The following EMCN variants were observed in gnomAD, a reference collection of about 807,000 sequenced individuals.
The protein encoded by EMCN is MUC-14.
In EMCN, 37 loss-of-function variants were observed where a neutral mutation model predicts 38.4. That is an observed-to-expected ratio of 0.96 (90% CI 0.74 to 1.27). EMCN has a LOEUF of 1.27. Among genes scored for constraint, EMCN ranks in the 50% most tolerant of loss-of-function variants. The pLI is 0.00. For missense variants in EMCN, 318 were observed against 302.8 expected, an observed-to-expected ratio of 1.05 and a Z score of -0.37; for synonymous variants, 95 against 100.8, an observed-to-expected ratio of 0.94 and a Z score of 0.35.
chr4:100,489,186 C>T (rs1729015970), intron 1 of EMCN, among the ~76,000 whole-genome samples: 1 of 152,066 alleles, frequency 6.6e-6, no homozygotes, highest in Non-Finnish European at 1.5e-5. Context: ...TCTACATTGG[C>T]TATAGGTTTA....
chr4:100,410,998 G>A (rs1726537568), intron 10 of EMCN, among the ~76,000 whole-genome samples: 1 of 152,158 alleles, frequency 6.6e-6, no homozygotes, highest in East Asian at 1.9e-4. Context: ...CCTTCAGGTA[G>A]AATCGAGTAT....
chr4:100,438,540 AT>A (rs762951627), intron 5 of EMCN, among the ~76,000 whole-genome samples: 13 of 150,804 alleles, frequency 8.6e-5, no homozygotes, highest in South Asian at 8.4e-4. Flanking sequence ...GCAAGTGGAG[AT>A]TTTTTTTTCT....
intron 1 of EMCN, among the ~76,000 whole-genome samples, chr4:100,504,216 T>C (rs1165170372): frequency 1.3e-5 from 2 of 152,188 alleles, no homozygotes; most frequent in Non-Finnish European, 2.9e-5. Context: ...TAATATGTGA[T>C]CCTTACAGTT....
intron 1 of EMCN, among the ~76,000 whole-genome samples, chr4:100,496,924 C>T (rs935605911): frequency 2.6e-5 from 4 of 151,912 alleles, no homozygotes; most frequent in African/African-American, 9.7e-5. Flanking sequence ...TTTTGTAATG[C>T]ACCATATGAT....
chr4:100,432,608 C>G (rs1258131278), intron 5 of EMCN, among the ~76,000 whole-genome samples: 1 of 152,118 alleles, frequency 6.6e-6, no homozygotes, highest in African/African-American at 2.4e-5. Flanking sequence ...TGGGGCCTTA[C>G]CAGATATGTT....
At chr4:100,448,816 C>CTTCT (rs1727753366) in intron 4 of EMCN, among the ~76,000 whole-genome samples, 2 of 144,326 alleles carry the variant, frequency 1.4e-5, no homozygotes, top group Admixed American at 6.9e-5. Flanking sequence ...TCCTTCCTTC[C>CTTCT]TTCCTTCCTC....
At chr4:100,403,594 A>T (rs990652188) in intron 11 of EMCN, among the ~76,000 whole-genome samples, 8 of 151,968 alleles carry the variant, frequency 5.3e-5, no homozygotes, top group Non-Finnish European at 1.2e-4. Flanking sequence ...GTATCTAGTA[A>T]TGGGACTGCT....
chr4:100,476,288 T>G (rs2110277008), intron 2 of EMCN, among the ~76,000 whole-genome samples: 1 of 150,990 alleles, frequency 6.6e-6, no homozygotes, highest in East Asian at 2.0e-4. Flanking sequence ...CCCTTTTTCT[T>G]CTCTCCTTCT....
rs1729604213 is a variant in EMCN at position 100,510,640 on chromosome 4, C to A, written c.64+7211G>T. On this transcript the variant is annotated intron_variant, in intron 1 of 11. Transcript: ENST00000296420. The stretch of plus-strand genomic sequence containing the variant: ...CTTCCAATATCCCTATGAGGTAATT[C>A]CTTGTAGAGATATTGCAAGAACCAC... Among the ~76,000 whole-genome samples, 4 of 152,066 alleles carry A rather than the reference C, an allele frequency of 2.6e-5. No individual in the cohort carries two copies. In the South Asian group the frequency reaches 8.3e-4, roughly 31 times the overall value.
At position 100,496,716 on chromosome 4, in the gene EMCN, A is replaced by G. The variant is rs542619706; in HGVS notation, c.65-16677T>C. On this transcript the variant is annotated intron_variant, in intron 1 of 11. Transcript: ENST00000296420. ...GAACTAGTGAGTTTTAGGGCATGGT[A>G]AAAACATGAAAGCACCAAACATGTA... Among the ~76,000 whole-genome samples the G allele has an allele frequency of 3.9e-5, 6 of 152,186 alleles. No individual in the cohort carries two copies. The South Asian group carries it at 1.2e-3, about 32-fold the overall frequency.
chr4:100,501,386 A>T (rs72910817), intron 1 of EMCN, among the ~76,000 whole-genome samples: 1 of 152,088 alleles, frequency 6.6e-6, no homozygotes, highest in Admixed American at 6.5e-5. Flanking sequence ...AGAGCTCTCT[A>T]TTCTTTTCTA....
intron 4 of EMCN, among the ~76,000 whole-genome samples, chr4:100,458,735 C>A (rs1560623791): frequency 6.6e-6 from 1 of 152,104 alleles, no homozygotes; most frequent in Non-Finnish European, 1.5e-5. Context: ...TTCAATTGAC[C>A]TTCACTCAAA....
intron 1 of EMCN, among the ~76,000 whole-genome samples, chr4:100,491,305 A>G (rs1234788932): frequency 6.6e-6 from 1 of 152,084 alleles, no homozygotes; most frequent in East Asian, 1.9e-4. Flanking sequence ...TTTAATTACT[A>G]TTGCTTTGCC....
At chr4:100,420,962 A>T (rs1726870669) in intron 8 of EMCN, among the ~76,000 whole-genome samples, 1 of 151,966 alleles carries the variant, frequency 6.6e-6, no homozygotes, top group African/African-American at 2.4e-5. Context: ...AATGGAGTTA[A>T]TCTTTACCAT....
At position 100,482,744 on chromosome 4, in the gene EMCN, C is replaced by T. The variant is rs149255646; in HGVS notation, c.65-2705G>A. On this transcript the variant is annotated intron_variant, in intron 1 of 11. Coordinates refer to ENST00000296420, the MANE Select transcript of EMCN (RefSeq NM_016242.4). ...GAAAGTGACCAAACAGAAATTCCAC[C>T]CTAGGAAAGACAATGGGAAAATGCA... 3.6e-3 allele frequency among the ~76,000 whole-genome samples: 541 copies of T among 152,086 alleles called. 4 individuals carry two copies. In the Middle Eastern group the frequency reaches 0.037, roughly 11 times the overall value.
chr4:100,513,191 T>C (rs1446892619), intron 1 of EMCN, among the ~76,000 whole-genome samples: 1 of 152,180 alleles, frequency 6.6e-6, no homozygotes, highest in Non-Finnish European at 1.5e-5. Context: ...GTGGGGATTA[T>C]TAAAAATCAG....
At chr4:100,477,073 C>T (rs1432153197) in intron 2 of EMCN, among the ~76,000 whole-genome samples, 1 of 152,080 alleles carries the variant, frequency 6.6e-6, no homozygotes, top group African/African-American at 2.4e-5. Context: ...GATAGGTGGC[C>T]AAAAGCATCA....
intron 1 of EMCN, among the ~76,000 whole-genome samples, chr4:100,511,874 A>T (rs1407908066): frequency 6.6e-6 from 1 of 152,134 alleles, no homozygotes; most frequent in Non-Finnish European, 1.5e-5. Context: ...GGACTAAAAC[A>T]ATGAAACTGG....
chr4:100,464,979 G>T (rs1477647618), intron 4 of EMCN, among the ~76,000 whole-genome samples: 1 of 152,088 alleles, frequency 6.6e-6, no homozygotes, highest in Non-Finnish European at 1.5e-5. Context: ...TTATAGAATT[G>T]ACAATTGAAG....
Sources: gnomAD v4.1 joint callset for allele counts (sites outside exome capture counted in the v4.1 genomes callset) on GRCh38, gnomAD v4.1.1 for gene constraint, MANE v1.5 for transcripts, NCBI Gene and HGNC (gene_info 2026-07-23, HGNC 2026-07-21) for gene names.